Variants in UCP3 observed in about 807,000 individuals in gnomAD.
UCP3 encodes uncoupling protein 3.
A neutral mutation model predicts 28.1 loss-of-function variants in UCP3; 24 were observed. The ratio of observed to expected loss-of-function variants is 0.85; its 90% CI spans 0.62 to 1.20. The LOEUF (loss-of-function observed/expected upper bound fraction) is 1.20, where lower values mean the gene tolerates loss of function less well. Ranked by LOEUF, UCP3 falls within the 50% of genes most tolerant of loss-of-function variation. The probability of loss-of-function intolerance (pLI) is 0.00; values close to 1 mark genes in which losing one functional copy is unlikely to be tolerated. For missense variants in UCP3, 397 were observed against 422.2 expected, an observed-to-expected ratio of 0.94 and a Z score of 0.52; for synonymous variants, 184 against 171.2, an observed-to-expected ratio of 1.07 and a Z score of -0.59.
chr11:74,006,777 A>C, intron 2 of UCP3, 140 bp downstream of exon 2: 1 of 1,393,212 alleles, frequency 7.2e-7, no homozygotes, highest in Non-Finnish European at 1.0e-6. Flanking sequence ...GGAGGAGGCA[A>C]GGAAGGGTCC....
At chr11:74,008,493 G>A (rs764109175) in intron 1 of UCP3, among the ~76,000 whole-genome samples, 11 of 152,124 alleles carry the variant, frequency 7.2e-5, no homozygotes, top group Non-Finnish European at 1.5e-4. Context: ...TGAAGAAGCC[G>A]TCTGGGCAGA....
rs374142792 is a variant in UCP3, at chr11:74,003,809, A to C, written c.824+18T>G. The C allele has an allele frequency of 6.4e-7, 1 of 1,564,374 alleles. No homozygotes were observed. Among genetic ancestry groups the C allele is most frequent in the African/African-American group, 1.4e-5 (1 of 73,120 alleles). On this transcript the variant is annotated intron_variant, in intron 6 of 6. Coordinates refer to ENST00000314032, the MANE Select transcript of UCP3 (RefSeq NM_003356.4). ...CCTGTTCTCTGGGAGGGAGTGCTGG[A>C]GGCAGGAGGAGGCTCACCCCTTGTA...
At chr11:74,007,355 C>A in intron 1 of UCP3, 1 of 386,934 alleles carries the variant, frequency 2.6e-6, no homozygotes. Context: ...CAGGGGTAGG[C>A]AGAGCTGATA....
Position 74,006,027 on chromosome 11 carries a change from A to G in UCP3, c.338-94T>C, listed in dbSNP as rs917034376. ...CGGGGCTGCCCCTGCAGCTTCCTTG[A>G]TGTCCACTCAGAGCCTCCTCATAAG... On this transcript the variant is annotated intron_variant, in intron 3 of 6. Transcript: ENST00000314032. 23 of 1,565,612 alleles carry G rather than the reference A, an allele frequency of 1.5e-5. No individual in the cohort carries two copies. In the East Asian group the frequency reaches 3.5e-4, roughly 24 times the overall value.
chr11:74,005,822 A>C lies in UCP3; in HGVS notation c.449T>G (p.Leu150Arg). Residue 150 changes from leucine (L) to arginine (R), a missense_variant, in exon 4 of 7, where the codon CTC becomes CGC. Transcript: ENST00000314032. Reference protein sequence around the residue: ...VKVRFQASIHLGPSRSDRKYS... With the variant: ...VKVRFQASIHRGPSRSDRKYS... ...TTTTCTGTCGCTCCTGGATGGCCCG[A>C]GGTGTATGCTGGCCTGAAATCGGAC... 1.2e-6 allele frequency: 2 copies of C among 1,614,030 alleles called. No homozygotes were observed. The highest frequency in any genetic ancestry group is 2.2e-5 in the South Asian group (2 of 91,086).
At chr11:74,007,649 C>T (rs1428538864) in intron 1 of UCP3, among the ~76,000 whole-genome samples, 1 of 152,108 alleles carries the variant, frequency 6.6e-6, no homozygotes, top group Non-Finnish European at 1.5e-5. Flanking sequence ...CTATTCTGGT[C>T]TTGAACTCTT....
intron 6 of UCP3, chr11:74,002,178 A>G (rs1685355): frequency 0.6 from 91,733 of 153,908 alleles, 28,326 homozygotes; most frequent in African/African-American, 0.78. Flanking sequence ...GTTTGCTCCC[A>G]CCAGACTCAG....
chr11:74,001,481 C>T lies in UCP3; in HGVS notation c.870G>A (p.Met290Ile). The change falls in exon 7 of 7, where the codon ATG (methionine) becomes ATA (isoleucine). Residue 290 changes from methionine (M) to isoleucine (I), a missense_variant. Coordinates refer to ENST00000314032, the MANE Select transcript of UCP3 (RefSeq NM_003356.4). ...GTTTCAGCTGCTCATAGGTTACGAA[C>T]ATCACCACGTTCCAGGATCCCAAAC... ...FLRLGSWNVV[M>I]FVTYEQLKRA... 2.5e-6 allele frequency: 4 copies of T among 1,614,128 alleles called. No homozygotes were observed. Among genetic ancestry groups the T allele is most frequent in the Non-Finnish European group, 3.4e-6 (4 of 1,180,018 alleles).
rs1193411809 is a variant in UCP3 at position 74,001,383 on chromosome 11, G to A, written c.*29C>T. ...TCCATTCTTAACTGGTTTCGGACAC[G>A]TTAGCTACCAGTGGCCTTCTTGTCT... On this transcript the variant is annotated 3_prime_UTR_variant, in exon 7 of 7. Transcript: ENST00000314032. The A allele has an allele frequency of 5.6e-6, 9 of 1,609,794 alleles. No homozygotes were observed. The African/African-American group carries it at 6.7e-5, about 12-fold the overall frequency.
rs1443050036 is a variant in UCP3, at chr11:74,004,486, G to A, written c.641C>T (p.Thr214Ile). The A allele has an allele frequency of 5.6e-6, 9 of 1,614,032 alleles. No homozygotes were observed. In the Admixed American group the frequency reaches 1.3e-4, roughly 24 times the overall value. ...CTGCCTGGAGCCCAGGGCCTCACCA[G>A]TGAGCAGGTGGTAGTCCAGCAGCTT... ...KEKLLDYHLLTDNFPCHFVSA... is the reference protein window; with the variant it reads ...KEKLLDYHLLIDNFPCHFVSA... Residue 214 changes from threonine to isoleucine, a missense_variant and splice_region_variant, in exon 5 of 7, where the codon ACT becomes ATT. Physicochemically the swap from Thr to Ile is moderately conservative, Grantham distance 89. Transcript: ENST00000314032.
chr11:74,001,558 G>A (rs1951622005), intron 6 of UCP3, 32 bp from the exon 7 acceptor site: 1 of 1,601,132 alleles, frequency 6.2e-7, no homozygotes, highest in African/African-American at 1.3e-5. Flanking sequence ...ACATCAGGTG[G>A]AGTGCTAGGG....
Position 74,006,207 on chromosome 11 carries a change from T to A in UCP3, c.299A>T (p.Asp100Val), listed in dbSNP as rs768899768. The change falls in exon 3 of 7, where the codon GAC (aspartate) becomes GTC (valine). Residue 100 changes from aspartate to valine, a missense_variant. Physicochemically the swap from Asp to Val is radical, Grantham distance 152. Coordinates refer to ENST00000314032, the MANE Select transcript of UCP3 (RefSeq NM_003356.4). ...GGGGGTGTACACCTGCTTGACGGAG[T>A]CATAGAGGCCGATGCGGATGGAGGC... Reference protein sequence around the residue: ...SFASIRIGLYDSVKQVYTPKG... With the variant: ...SFASIRIGLYVSVKQVYTPKG... The A allele has an allele frequency of 6.2e-7, 1 of 1,613,980 alleles. No individual in the cohort carries two copies. The highest frequency in any genetic ancestry group is 2.2e-5 in the East Asian group (1 of 44,870).
intron 6 of UCP3, 79 bp from the exon 7 acceptor site, chr11:74,001,605 T>A: frequency 8.0e-7 from 1 of 1,248,760 alleles, no homozygotes; most frequent in Non-Finnish European, 1.2e-6. Flanking sequence ...CGGGACACAG[T>A]GGTAGTGCCA....
rs1253437678 is a variant in UCP3, at chr11:74,000,936, G to C, written c.*476C>G. ...AATAGGCTGATGATGCATGTGTGAT[G>C]GTGCAGCTGCAGTCGCCAGCTCTGT... is the stretch of plus-strand genomic sequence containing the variant. On this transcript the variant is annotated 3_prime_UTR_variant, in exon 7 of 7. Transcript: ENST00000314032. The C allele has an allele frequency of 5.6e-6, 1 of 179,984 alleles. No individual in the cohort carries two copies. The highest frequency in any genetic ancestry group is 1.2e-5 in the Non-Finnish European group (1 of 85,390). 11.1% of individuals were successfully genotyped at this position (179,984 alleles called of 1,614,324 possible).
Position 74,003,897 on chromosome 11 carries a change from G to A in UCP3, c.754C>T (p.Gln252Ter), listed in dbSNP as rs765633988. 6.8e-6 allele frequency: 11 copies of A among 1,614,000 alleles called. No individual in the cohort carries two copies. The highest frequency in any genetic ancestry group is 9.3e-6 in the Non-Finnish European group (11 of 1,180,038). Reference protein sequence around the residue: ...KTRYMNSPPGQYFSPLDCMIK... With the variant: ...KTRYMNSPPG ...ATACAGTCGAGGGGGCTGAAGTACT[G>A]GCCTGGAGGTGAGTTCATATACCGG... Residue 252 changes from glutamine (Q) to a stop codon, truncating the protein, a stop_gained, in exon 6 of 7, where the codon CAG (glutamine) becomes TAG (stop). Coordinates refer to ENST00000314032, the MANE Select transcript of UCP3 (RefSeq NM_003356.4). LOFTEE classifies it high-confidence loss of function.
At chr11:74,001,711 C>T (rs1951623220) in intron 6 of UCP3, 185 bp from the exon 7 acceptor site, 10 of 596,864 alleles carry the variant, frequency 1.7e-5, no homozygotes, top group South Asian at 8.0e-5. Flanking sequence ...AGGCAGAAGT[C>T]GGAGTAAGGA....
At chr11:74,007,347 G>A in intron 1 of UCP3, 1 of 397,982 alleles carries the variant, frequency 2.5e-6, no homozygotes, top group Non-Finnish European at 4.8e-6. Context: ...CTCCTTACCA[G>A]GGGTAGGCAG....
At chr11:74,006,088 CCT>C in intron 3 of UCP3, 79 bp downstream of exon 3, 1 of 1,584,804 alleles carries the variant, frequency 6.3e-7, no homozygotes, top group Non-Finnish European at 8.6e-7. Context: ...CCTGGCTCTG[CCT>C]CTGAGTCTAG....
At chr11:74,003,378 G>A in intron 6 of UCP3, 13 of 844,302 alleles carry the variant, frequency 1.5e-5, no homozygotes, top group Non-Finnish European at 1.9e-5. Flanking sequence ...GAGTGTTAGG[G>A]AGGAGGTGGC....
Sources: gnomAD v4.1 joint callset for allele counts (sites outside exome capture counted in the v4.1 genomes callset) on GRCh38, gnomAD v4.1.1 for gene constraint, MANE v1.5 for transcripts, NCBI Gene and HGNC (gene_info 2026-07-23, HGNC 2026-07-21) for gene names.